PWP1: variants seen among roughly 807,000 people sequenced by gnomAD.
The protein encoded by PWP1 is periodic tryptophan protein 1 homolog.
In PWP1, 47 loss-of-function variants were observed where a neutral mutation model predicts 69.9. That is an observed-to-expected ratio of 0.67 (90% confidence interval 0.53 to 0.86). PWP1 has a LOEUF of 0.86. PWP1 is among the 40% of genes least tolerant of loss of function. The probability of loss-of-function intolerance (pLI) is 0.00; values close to 1 mark genes in which losing one functional copy is unlikely to be tolerated. For synonymous variants in PWP1, 222 were observed against 208.2 expected (o/e 1.07, Z -0.57); for missense variants, 551 against 608.8 (o/e 0.91, Z 1.00).
intron 7 of PWP1, 32 bp from the exon 8 acceptor site, chr12:107,699,341 A>T (rs1389383368): frequency 3.9e-6 from 6 of 1,538,446 alleles, no homozygotes; most frequent in African/African-American, 1.4e-5. Context: ...GGGGGACTTT[A>T]ATACAAAAAA....
chr12:107,700,561 C>T (rs10861768), intron 8 of PWP1, among the ~76,000 whole-genome samples: 28,104 of 152,048 alleles, frequency 0.18, 3,639 homozygotes, highest in East Asian at 0.52. Flanking sequence ...GTATGTTACC[C>T]GTTCATTTAC....
At chr12:107,697,336 C>T (rs996586169) in intron 6 of PWP1, 131 bp from the exon 7 acceptor site, 11 of 822,548 alleles carry the variant, frequency 1.3e-5, no homozygotes, top group Non-Finnish European at 1.7e-5. Context: ...ATTCAGATGC[C>T]GCATATGCAT....
At chr12:107,697,950 G>C (rs776569396) in intron 7 of PWP1, 2 of 362,178 alleles carry the variant, frequency 5.5e-6, no homozygotes, top group African/African-American at 2.1e-5. Context: ...AAAAATTTCT[G>C]TTATCATGTT....
At chr12:107,706,028 GT>G (rs1476184949) in intron 11 of PWP1, among the ~76,000 whole-genome samples, 1 of 152,202 alleles carries the variant, frequency 6.6e-6, no homozygotes, top group African/African-American at 2.4e-5. Context: ...GTGTAAAACT[GT>G]TCCTATTTCT....
intron 3 of PWP1, among the ~76,000 whole-genome samples, chr12:107,690,505 C>G (rs572372649): frequency 6.6e-6 from 1 of 152,048 alleles, no homozygotes; most frequent in Non-Finnish European, 1.5e-5. Context: ...GCTCTGTTGC[C>G]CAGGCTAGAG....
intron 6 of PWP1, among the ~76,000 whole-genome samples, chr12:107,696,956 A>C (rs1426631851): frequency 6.6e-6 from 1 of 152,232 alleles, no homozygotes; most frequent in Non-Finnish European, 1.5e-5. Flanking sequence ...GCTAAAACCG[A>C]AATGAAGAGG....
intron 11 of PWP1, among the ~76,000 whole-genome samples, chr12:107,707,700 A>G (rs1190020699): frequency 6.6e-6 from 1 of 152,138 alleles, no homozygotes; most frequent in Non-Finnish European, 1.5e-5. Context: ...GATTACGTTT[A>G]TTGATGTGTG....
chr12:107,686,002 G>GCAGCGTCTTTACGGCAC, intron 1 of PWP1, 31 bp downstream of exon 1: 1 of 1,610,872 alleles, frequency 6.2e-7, no homozygotes, highest in Non-Finnish European at 8.5e-7. Flanking sequence ...GACAAGGGGA[G>GCAGCGTCTTTACGGCAC]CAGCGTCTTT....
chr12:107,689,796 CAG>C (rs1889445738), intron 3 of PWP1, among the ~76,000 whole-genome samples: 1 of 152,060 alleles, frequency 6.6e-6, no homozygotes. Context: ...GAACAGAAGA[CAG>C]ATTAGAAGTA....
rs1566081140 is a variant in PWP1 at position 107,702,967 on chromosome 12, CTG to C, written c.841_842del (p.Val281AsnfsTer13). ...TTAGCAAGTGCATCAGCTGACAACA[CTG>C]TAATTCTGTGGGATATGTCCTTGGG... On this transcript the variant is annotated frameshift_variant, in exon 9 of 15. Coordinates refer to ENST00000412830, the MANE Select transcript of PWP1 (RefSeq NM_007062.3). LOFTEE classifies it high-confidence loss of function. The C allele has an allele frequency of 4.3e-6, 7 of 1,611,704 alleles. No homozygotes were observed. Among genetic ancestry groups the C allele is most frequent in the East Asian group, 2.2e-5 (1 of 44,852 alleles).
chr12:107,697,573 AAAG>A lies in PWP1; in HGVS notation c.726_728del (p.Lys245del). ...TCACACTCGGAAGTAAACTTTCAAA[AAAG>A]AAGAAAAAGAAAGGAAAGAAGGTAA... On this transcript the variant is annotated inframe_deletion, in exon 7 of 15. Coordinates refer to ENST00000412830, the MANE Select transcript of PWP1 (RefSeq NM_007062.3). 6.2e-7 allele frequency: 1 copy of A among 1,603,698 alleles called. No individual in the cohort carries two copies. The highest frequency in any genetic ancestry group is 8.5e-7 in the Non-Finnish European group (1 of 1,176,698).
intron 5 of PWP1, among the ~76,000 whole-genome samples, chr12:107,696,208 T>C (rs1420022685): frequency 6.6e-6 from 1 of 151,998 alleles, no homozygotes; most frequent in Non-Finnish European, 1.5e-5. Flanking sequence ...AATTTTTGTA[T>C]TTTGAGTAGA....
chr12:107,692,053 G>T (rs1353315768), intron 3 of PWP1, among the ~76,000 whole-genome samples: 1 of 152,196 alleles, frequency 6.6e-6, no homozygotes, highest in Non-Finnish European at 1.5e-5. Flanking sequence ...TAGGGACAGA[G>T]TGCCATAGAA....
intron 11 of PWP1, among the ~76,000 whole-genome samples, chr12:107,707,696 G>A (rs1006625627): frequency 1.3e-5 from 2 of 152,092 alleles, no homozygotes; most frequent in Non-Finnish European, 2.9e-5. Context: ...GCTGGATTAC[G>A]TTTATTGATG....
chr12:107,698,549 T>A (rs1889639729), intron 7 of PWP1, among the ~76,000 whole-genome samples: 1 of 152,138 alleles, frequency 6.6e-6, no homozygotes, highest in South Asian at 2.1e-4. Flanking sequence ...ACTACTATAG[T>A]TTCTTCCCTG....
intron 1 of PWP1, 39 bp downstream of exon 1, chr12:107,686,010 T>A (rs1464644990): frequency 6.2e-7 from 1 of 1,605,244 alleles, no homozygotes; most frequent in South Asian, 1.1e-5. Context: ...GAGCAGCGTC[T>A]TTACGGCACT....
chr12:107,703,555 T>G, intron 9 of PWP1, 130 bp from the exon 10 acceptor site: 1 of 774,030 alleles, frequency 1.3e-6, no homozygotes, highest in Middle Eastern at 2.5e-4. Flanking sequence ...CATTTATGTT[T>G]CTTTTGTTTA....
At chr12:107,688,866 T>TGTTCCAAA in intron 3 of PWP1, 64 bp downstream of exon 3, 1 of 1,486,600 alleles carries the variant, frequency 6.7e-7, no homozygotes, top group South Asian at 1.2e-5. Flanking sequence ...ATGTTTGTGG[T>TGTTCCAAA]GTTCCAAAGC....
intron 13 of PWP1, among the ~76,000 whole-genome samples, chr12:107,710,016 A>G (rs1889913875): frequency 6.6e-6 from 1 of 152,216 alleles, no homozygotes; most frequent in African/African-American, 2.4e-5. Context: ...AAAATGTAAA[A>G]AAGAAAACAA....
Sources: gnomAD v4.1 joint callset for allele counts (sites outside exome capture counted in the v4.1 genomes callset) on GRCh38, gnomAD v4.1.1 for gene constraint, MANE v1.5 for transcripts, NCBI Gene and HGNC (gene_info 2026-07-23, HGNC 2026-07-21) for gene names.